The following ATP7A variants were observed in gnomAD, a reference collection of about 807,000 sequenced individuals.
ATP7A encodes the protein copper-transporting ATPase 1.
ATP7A carries 7 observed loss-of-function variants against 83.5 expected under a neutral mutation model. The observed-to-expected ratio is 0.08, with a 90% CI of 0.05 to 0.16. The LOEUF (loss-of-function observed/expected upper bound fraction) is 0.16. Among genes scored for constraint, ATP7A ranks in the 10% least tolerant of loss-of-function variants. The pLI, the probability that ATP7A is intolerant of heterozygous loss-of-function variation, is 1.00. For synonymous variants in ATP7A, 354 were observed against 395.2 expected, an observed-to-expected ratio of 0.90 and a Z score of 1.24; for missense variants, 940 against 1,120.8, an observed-to-expected ratio of 0.84 and a Z score of 2.30.
At chrX:77,922,758 T>C (rs1221707853) in intron 1 of ATP7A, among the ~76,000 whole-genome samples, 2 of 112,094 alleles carry the variant, frequency 1.8e-5, no homozygotes, top group South Asian at 7.4e-4. Flanking sequence ...AAGCCTTCCC[T>C]GATTTCCCTT....
intron 1 of ATP7A, among the ~76,000 whole-genome samples, chrX:77,949,300 G>A (rs1386285729): frequency 9.0e-6 from 1 of 111,609 alleles, no homozygotes; most frequent in African/African-American, 3.3e-5. Context: ...CTTCATTCCA[G>A]ATTTCTATCT....
chrX:77,980,957 C>T (rs1429748290), intron 2 of ATP7A, among the ~76,000 whole-genome samples: 2 of 112,373 alleles, frequency 1.8e-5, no homozygotes, highest in African/African-American at 6.5e-5. Flanking sequence ...CATGAGCCAC[C>T]GTGCCCAGCC....
chrX:77,967,315 G>A (rs2077514083), intron 1 of ATP7A, among the ~76,000 whole-genome samples: 3 of 111,761 alleles, frequency 2.7e-5, no homozygotes, highest in Non-Finnish European at 3.8e-5. Context: ...CTAGATCCTC[G>A]AGGAATCGCC....
chrX:77,934,645 C>T (rs985245690), intron 1 of ATP7A, among the ~76,000 whole-genome samples: 2 of 110,053 alleles, frequency 1.8e-5, no homozygotes, highest in Non-Finnish European at 3.8e-5. Context: ...CACATGAGGT[C>T]GGGGTGGAAT....
intron 4 of ATP7A, among the ~76,000 whole-genome samples, chrX:77,996,951 G>C (rs185690314): frequency 9.0e-6 from 1 of 110,783 alleles, no homozygotes; most frequent in South Asian, 3.8e-4. Context: ...AAGCATAACA[G>C]CAGTACTATT....
In ATP7A at chrX:77,926,687, A is replaced by G. The variant is rs144352256; in HGVS notation, c.-22+15852A>G. The stretch of plus-strand genomic sequence containing the variant: ...AGATTTATTTTTTCTTACAGCATTT[A>G]TCACTACTTGACTTTTGCAATTTTT... On this transcript the variant is annotated intron_variant, in intron 1 of 22. Transcript: ENST00000341514. Among the ~76,000 whole-genome samples the G allele has an allele frequency of 4.3e-3, 470 of 109,955 alleles. 1 individual carries two copies. The highest frequency in any genetic ancestry group is 0.014 in the African/African-American group (433 of 30,164).
chrX:77,996,582 G>C (rs1228351318), intron 4 of ATP7A, among the ~76,000 whole-genome samples: 1 of 111,557 alleles, frequency 9.0e-6, no homozygotes, highest in Non-Finnish European at 1.9e-5. Flanking sequence ...CACTCACAGA[G>C]CTAAAGGATA....
rs1557238252 is a variant in ATP7A, at chrX:78,040,628, G to A, written c.3696G>A (p.Val1232=). The A allele has an allele frequency of 1.7e-6, 2 of 1,211,042 alleles. No individual in the cohort carries two copies. The highest frequency in any genetic ancestry group is 2.2e-6 in the Non-Finnish European group (2 of 894,779). ...LCGLIAIADT[V]KPEAELAIHI... ...GCTTGATAGCCATTGCAGACACAGT[G>A]AAGCCTGAAGCAGAACTGGCTATCC... The change falls in exon 19 of 23, where the codon GTG becomes GTA. Residue 1232 remains valine, a synonymous_variant. Transcript: ENST00000341514.
chrX:77,937,183 AT>A (rs1557225111), intron 1 of ATP7A, among the ~76,000 whole-genome samples: 1 of 112,545 alleles, frequency 8.9e-6, no homozygotes, highest in Non-Finnish European at 1.9e-5. Context: ...TTGTATGTAT[AT>A]GGTGGTAGGA....
rs146414063 is a variant in ATP7A at position 77,988,433 on chromosome X, A to G, written c.312A>G (p.Gln104=). 89 of 1,209,724 alleles carry G rather than the reference A, an allele frequency of 7.4e-5. No individual in the cohort carries two copies. The highest frequency in any genetic ancestry group is 8.8e-5 in the Admixed American group (4 of 45,642). The change falls in exon 3 of 23, where the codon CAA becomes CAG. Residue 104 remains glutamine, a synonymous_variant. Transcript: ENST00000341514. ...ASLTLPWDHI[Q]STLLKTKGVT... ...TGACTTTGCCATGGGACCATATCCA[A>G]AGCACATTGCTGAAGACCAAGGGTG...
At chrX:77,995,524 C>G (rs1385973487) in intron 4 of ATP7A, among the ~76,000 whole-genome samples, 1 of 89,625 alleles carries the variant, frequency 1.1e-5, no homozygotes, top group Non-Finnish European at 2.1e-5. Flanking sequence ...GCCGAGATTG[C>G]GCCACTGCAC....
intron 9 of ATP7A, chrX:78,011,924 T>C (rs188165723): frequency 3.8e-4 from 77 of 202,566 alleles, no homozygotes; most frequent in African/African-American, 1.3e-3. Context: ...AACTTTATTT[T>C]ATTTTTAAAT....
intron 21 of ATP7A, among the ~76,000 whole-genome samples, chrX:78,044,255 CAAAAAAAAA>C (rs782578875): frequency 1.6e-5 from 1 of 61,798 alleles, no homozygotes. Context: ...ACTCCGTCTC[CAAAAAAAAA>C]AAAAAAAAAA....
intron 19 of ATP7A, 60 bp from the exon 20 acceptor site, chrX:78,042,525 C>G (rs2149111673): frequency 9.1e-7 from 1 of 1,095,171 alleles, no homozygotes; most frequent in South Asian, 1.8e-5. Context: ...TGTTATTGCT[C>G]AGTTATGTTT....
At chrX:77,995,516 C>T (rs986408044) in intron 4 of ATP7A, among the ~76,000 whole-genome samples, 1 of 93,790 alleles carries the variant, frequency 1.1e-5, no homozygotes, top group African/African-American at 4.0e-5. Flanking sequence ...TGCAGTGAGC[C>T]GAGATTGCGC....
At chrX:78,039,186 A>G (rs1557238056) in intron 18 of ATP7A, among the ~76,000 whole-genome samples, 1 of 112,115 alleles carries the variant, frequency 8.9e-6, no homozygotes, top group Non-Finnish European at 1.9e-5. Context: ...TCCCTAGCCT[A>G]TGTTTTAAAT....
rs782781031 is a variant in ATP7A, at chrX:78,031,442, G to A, written c.3154G>A (p.Gly1052Arg). 5.8e-6 allele frequency: 7 copies of A among 1,209,067 alleles called. No homozygotes were observed. Among genetic ancestry groups the A allele is most frequent in the East Asian group, 3.0e-5 (1 of 33,745 alleles). Residue 1052 changes from glycine to arginine, a missense_variant, in exon 16 of 23, where the codon GGA becomes AGA. Coordinates refer to ENST00000341514, the MANE Select transcript of ATP7A (RefSeq NM_000052.7). ...TGATAAGACTGGAACCATTACTCAC[G>A]GAACCCCAGTGGTGAATCAAGTAAA... ...VFDKTGTITH[G>R]TPVVNQVKVL...
chrX:77,943,833 A>T (rs1326892351), intron 1 of ATP7A, among the ~76,000 whole-genome samples: 1 of 111,772 alleles, frequency 8.9e-6, no homozygotes, highest in Non-Finnish European at 1.9e-5. Context: ...TTATTTATCT[A>T]TTCCCTAATT....
intron 1 of ATP7A, among the ~76,000 whole-genome samples, chrX:77,937,923 A>G (rs1557225209): frequency 9.2e-6 from 1 of 108,566 alleles, no homozygotes; most frequent in African/African-American, 3.4e-5. Context: ...ACACACACAC[A>G]CACACCCCAC....
Sources: gnomAD v4.1 joint callset for allele counts (sites outside exome capture counted in the v4.1 genomes callset) on GRCh38, gnomAD v4.1.1 for gene constraint, MANE v1.5 for transcripts, NCBI Gene and HGNC (gene_info 2026-07-23, HGNC 2026-07-21) for gene names.